The following HPSE2 variants were observed in gnomAD, a reference collection of about 807,000 sequenced individuals.
HPSE2 encodes heparanase 2 (inactive), also known as inactive heparanase-2.
HPSE2 carries 38 observed loss-of-function variants against 60.5 expected under a neutral mutation model. That is an observed-to-expected ratio of 0.63 (90% CI 0.48 to 0.82). HPSE2 has a LOEUF of 0.82. Ranked by LOEUF, HPSE2 falls within the 40% of genes least tolerant of loss-of-function variation. The probability of loss-of-function intolerance (pLI) is 0.00; values close to 1 mark genes in which losing one functional copy is unlikely to be tolerated. For synonymous variants in HPSE2, 295 were observed against 293.2 expected (o/e 1.01, Z -0.06); for missense variants, 713 against 740.4 (o/e 0.96, Z 0.43).
intron 9 of HPSE2, among the ~76,000 whole-genome samples, chr10:98,561,685 T>A (rs1005369346): frequency 8.6e-5 from 13 of 152,012 alleles, no homozygotes; most frequent in Non-Finnish European, 1.6e-4. Context: ...CCGTCTCTAC[T>A]AAAAATAAAA....
intron 9 of HPSE2, among the ~76,000 whole-genome samples, chr10:98,551,741 CTTT>C (rs1415267470): frequency 6.6e-6 from 1 of 151,998 alleles, no homozygotes. Flanking sequence ...CTAATAAATT[CTTT>C]TTTTTCTTTT....
intron 3 of HPSE2, among the ~76,000 whole-genome samples, chr10:98,955,273 C>A (rs1005111083): frequency 1.1e-4 from 17 of 152,058 alleles, no homozygotes; most frequent in African/African-American, 4.1e-4. Flanking sequence ...GAAAAACAAA[C>A]AACCACATTA....
upstream of HPSE2, among the ~76,000 whole-genome samples, chr10:99,237,957 C>T (rs1017487676): frequency 6.6e-6 from 1 of 152,036 alleles, no homozygotes; most frequent in African/African-American, 2.4e-5. Flanking sequence ...AATAATATGC[C>T]CCTCTCCAGA....
chr10:98,566,737 G>A (rs1011993229), intron 9 of HPSE2, among the ~76,000 whole-genome samples: 1 of 152,160 alleles, frequency 6.6e-6, no homozygotes, highest in Non-Finnish European at 1.5e-5. Flanking sequence ...ATGTGCTTAT[G>A]TTTGAGAACT....
At chr10:98,998,763 C>G (rs1409140195) in intron 3 of HPSE2, among the ~76,000 whole-genome samples, 1 of 152,160 alleles carries the variant, frequency 6.6e-6, no homozygotes, top group African/African-American at 2.4e-5. Flanking sequence ...AAACCCAGTA[C>G]CCAGAGTTCT....
chr10:99,236,531 T>C (rs1004346815), upstream of HPSE2, among the ~76,000 whole-genome samples: 1 of 152,106 alleles, frequency 6.6e-6, no homozygotes, highest in Admixed American at 6.5e-5. Context: ...CGGTGATTCC[T>C]GTCAAAGCAT....
chr10:98,632,338 A>G (rs759058688), intron 7 of HPSE2, among the ~76,000 whole-genome samples: 2 of 152,234 alleles, frequency 1.3e-5, no homozygotes, highest in Non-Finnish European at 2.9e-5. Flanking sequence ...TTCAAAATCA[A>G]TATCAAATGA....
chr10:98,645,808 C>G (rs1946752637), intron 6 of HPSE2, among the ~76,000 whole-genome samples: 1 of 151,996 alleles, frequency 6.6e-6, no homozygotes, highest in Non-Finnish European at 1.5e-5. Context: ...GAAACCCCGT[C>G]TCTACTAAAA....
At chr10:98,841,490 C>T (rs1951912061) in intron 3 of HPSE2, among the ~76,000 whole-genome samples, 3 of 152,134 alleles carry the variant, frequency 2.0e-5, no homozygotes, top group Admixed American at 2.0e-4. Context: ...GGTATCTTGA[C>T]TTTTTAACCC....
chr10:98,466,330 C>G (rs942292149), intron 11 of HPSE2, among the ~76,000 whole-genome samples: 1 of 152,056 alleles, frequency 6.6e-6, no homozygotes, highest in African/African-American at 2.4e-5. Flanking sequence ...AAAATTGGTT[C>G]TGGCCAGGTG....
At chr10:98,503,580 C>T (rs1166962176) in intron 9 of HPSE2, among the ~76,000 whole-genome samples, 2 of 152,286 alleles carry the variant, frequency 1.3e-5, no homozygotes, top group African/African-American at 2.4e-5. Flanking sequence ...TTTATAGCAG[C>T]ACAATTCACA....
In HPSE2 at chr10:98,947,337, G is replaced by A. The variant is rs562811035; in HGVS notation, c.610+196901C>T. 7.7e-4 allele frequency among the ~76,000 whole-genome samples: 117 copies of A among 152,278 alleles called. No homozygotes were observed. In the Middle Eastern group the frequency reaches 0.01, roughly 13 times the overall value. On this transcript the variant is annotated intron_variant, in intron 3 of 11. Coordinates refer to ENST00000370552, the MANE Select transcript of HPSE2 (RefSeq NM_021828.5). Reference sequence around the variant, plus strand: ...ATACCTATAGACTATAATATGGTTAGAGAAAAAGCAAGGACATATATGACA... The same window carrying A: ...ATACCTATAGACTATAATATGGTTAAAGAAAAAGCAAGGACATATATGACA...
At chr10:98,534,630 C>T (rs1943227736) in intron 9 of HPSE2, among the ~76,000 whole-genome samples, 1 of 152,174 alleles carries the variant, frequency 6.6e-6, no homozygotes, top group South Asian at 2.1e-4. Context: ...GTCTTGAACT[C>T]CTGACCTCAG....
intron 3 of HPSE2, among the ~76,000 whole-genome samples, chr10:99,016,806 A>G (rs1490697395): frequency 2.0e-5 from 3 of 152,018 alleles, no homozygotes; most frequent in Non-Finnish European, 4.4e-5. Flanking sequence ...TGCGAATGTG[A>G]GTTCATTCCT....
the HPSE2 span, among the ~76,000 whole-genome samples, chr10:99,298,582 A>T: frequency 6.6e-6 from 1 of 152,188 alleles, no homozygotes. Flanking sequence ...TCTGGCCTAG[A>T]TATGGTTCTT....
chr10:98,511,598 T>TGTGTGTTTG (rs1942406386), intron 9 of HPSE2, among the ~76,000 whole-genome samples: 2 of 78,958 alleles, frequency 2.5e-5, no homozygotes, highest in Non-Finnish European at 2.7e-5. Context: ...GTGTGTGTGT[T>TGTGTGTTTG]TGTGTGTGTG....
At chr10:98,760,492 T>C (rs974640823) in intron 3 of HPSE2, among the ~76,000 whole-genome samples, 1 of 152,132 alleles carries the variant, frequency 6.6e-6, no homozygotes, top group Non-Finnish European at 1.5e-5. Flanking sequence ...TCAATTTGTT[T>C]AGAGTTTTAT....
chr10:98,502,627 AC>A (rs1403542566), intron 9 of HPSE2, among the ~76,000 whole-genome samples: 3 of 152,238 alleles, frequency 2.0e-5, no homozygotes, highest in Admixed American at 2.0e-4. Context: ...AATCCTCTAG[AC>A]ATTGGTTTAG....
intron 5 of HPSE2, among the ~76,000 whole-genome samples, chr10:98,707,646 T>C (rs1948580502): frequency 6.6e-6 from 1 of 152,160 alleles, no homozygotes; most frequent in Non-Finnish European, 1.5e-5. Flanking sequence ...TATAATTAAA[T>C]AGGAAATATC....
Sources: gnomAD v4.1 joint callset for allele counts (sites outside exome capture counted in the v4.1 genomes callset) on GRCh38, gnomAD v4.1.1 for gene constraint, MANE v1.5 for transcripts, NCBI Gene and HGNC (gene_info 2026-07-23, HGNC 2026-07-21) for gene names.